PIK3C2A: variants seen among roughly 807,000 people sequenced by gnomAD.
The protein encoded by PIK3C2A is phosphatidylinositol 4-phosphate 3-kinase C2 domain-containing subunit alpha.
Under a neutral mutation model 204.5 loss-of-function variants are expected in PIK3C2A, and 97 were observed. That is an observed-to-expected ratio of 0.47 (90% CI 0.40 to 0.56). PIK3C2A has a LOEUF of 0.56. Among genes scored for constraint, PIK3C2A ranks in the 20% least tolerant of loss-of-function variants. PIK3C2A has a pLI of 0.00. For synonymous variants in PIK3C2A, 653 were observed against 664.4 expected (o/e 0.98, Z 0.26); for missense variants, 1,735 against 1,969.2 (o/e 0.88, Z 2.25).
rs190624338 is a variant in PIK3C2A, at chr11:17,142,438, G to C, written c.1704+3230C>G. 1.1e-4 allele frequency among the ~76,000 whole-genome samples: 17 copies of C among 152,306 alleles called. No individual in the cohort carries two copies. In the East Asian group the frequency reaches 3.3e-3, roughly 29 times the overall value. On this transcript the variant is annotated intron_variant, in intron 8 of 32. Transcript: ENST00000691414. ...GCAGCTAATGGAAATAAGGAAAGCA[G>C]AAGGTGGTATCCCAGATGCCAACTA...
At position 17,117,599 on chromosome 11, in the gene PIK3C2A, T is replaced by C; in HGVS notation, c.3108A>G (p.Ser1036=). The change falls in exon 19 of 33, where the codon TCA becomes TCG. Residue 1036 remains serine, a synonymous_variant. Transcript: ENST00000691414. ...RYEHVLGALL[S]VGGKRLREEL... is the part of the protein sequence containing the mutation. ...CTTCTCTAAGTCGTTTTCCTCCTAC[T>C]GACAGGAGAGCACCCAAAACATGTT... 3.1e-6 allele frequency: 5 copies of C among 1,612,904 alleles called. No individual in the cohort carries two copies. Among genetic ancestry groups the C allele is most frequent in the Non-Finnish European group, 4.2e-6 (5 of 1,178,994 alleles).
intron 1 of PIK3C2A, among the ~76,000 whole-genome samples, chr11:17,190,689 T>C (rs1380012454): frequency 6.6e-6 from 1 of 151,054 alleles, no homozygotes; most frequent in Non-Finnish European, 1.5e-5. Flanking sequence ...AGAAAAGAAA[T>C]ACTGGAAAGG....
chr11:17,133,884 C>T (rs966038714), intron 11 of PIK3C2A, among the ~76,000 whole-genome samples: 11 of 151,980 alleles, frequency 7.2e-5, no homozygotes, highest in South Asian at 2.1e-4. Context: ...GCCGAGATCA[C>T]GCCACTGCAC....
At chr11:17,124,368 T>C (rs1849454028) in intron 13 of PIK3C2A, among the ~76,000 whole-genome samples, 1 of 152,126 alleles carries the variant, frequency 6.6e-6, no homozygotes, top group South Asian at 2.1e-4. Flanking sequence ...TTCAAATTTC[T>C]CTGATTGTCC....
intron 1 of PIK3C2A, among the ~76,000 whole-genome samples, chr11:17,185,252 C>A (rs913739758): frequency 6.6e-6 from 1 of 152,118 alleles, no homozygotes; most frequent in Non-Finnish European, 1.5e-5. Flanking sequence ...AAATAACATG[C>A]TATAGTATGT....
At chr11:17,163,757 T>C (rs1850858304) in intron 2 of PIK3C2A, among the ~76,000 whole-genome samples, 1 of 152,126 alleles carries the variant, frequency 6.6e-6, no homozygotes. Flanking sequence ...GATTGTCATC[T>C]AATGTAACAC....
In PIK3C2A at chr11:17,091,408, G is replaced by C. The variant is rs199935176; in HGVS notation, c.4804C>G (p.Pro1602Ala). 371 of 1,613,802 alleles carry C rather than the reference G, an allele frequency of 2.3e-4. No homozygotes were observed. Among genetic ancestry groups the C allele is most frequent in the Non-Finnish European group, 2.5e-4 (293 of 1,179,762 alleles). The change falls in exon 32 of 33, where the codon CCA (proline) becomes GCA (alanine). Residue 1602 changes from proline to alanine, a missense_variant. Coordinates refer to ENST00000691414, the MANE Select transcript of PIK3C2A (RefSeq NM_002645.4). Reference sequence around the variant, plus strand: ...CGTTTGGATGTTTTGTGGTTATCTGGAAGTAGGTATGTTTTGACATATGGA... The same window carrying C: ...CGTTTGGATGTTTTGTGGTTATCTGCAAGTAGGTATGTTTTGACATATGGA... ...PNPYVKTYLL[P>A]DNHKTSKRKT...
Position 17,178,107 on chromosome 11 carries a change from A to G in PIK3C2A, c.-65-8301T>C, listed in dbSNP as rs914876146. ...GACTCCATCTCAAAAAAAAAAAAAA[A>G]AAAAAGAAAAAAAAAATTGCATGTC... is the stretch of plus-strand genomic sequence containing the variant. On this transcript the variant is annotated intron_variant, in intron 1 of 32. Coordinates refer to ENST00000691414, the MANE Select transcript of PIK3C2A (RefSeq NM_002645.4). Among the ~76,000 whole-genome samples the G allele has an allele frequency of 2.9e-3, 278 of 96,112 alleles. 1 individual carries two copies. Among genetic ancestry groups the G allele is most frequent in the Middle Eastern group, 5.1e-3 (1 of 198 alleles). The allele number at this position is 96,112 out of a possible 152,430, so 63.1% of individuals were successfully genotyped here. A position where few individuals can be genotyped will look rare whatever the true frequency, so the allele number is the denominator to read the frequency against.
At chr11:17,183,430 C>A (rs573097016) in intron 1 of PIK3C2A, among the ~76,000 whole-genome samples, 10 of 152,244 alleles carry the variant, frequency 6.6e-5, no homozygotes, top group African/African-American at 2.4e-4. Flanking sequence ...AATCCCAGAA[C>A]TTTGGGAGGC....
chr11:17,111,008 ACTGATTCTC>A (rs1848984912), intron 21 of PIK3C2A, among the ~76,000 whole-genome samples: 1 of 152,004 alleles, frequency 6.6e-6, no homozygotes, highest in Non-Finnish European at 1.5e-5. Context: ...CCTAGGTTCA[ACTGATTCTC>A]CTGCCTCAGC....
intron 1 of PIK3C2A, chr11:17,194,446 A>C (rs1852069031): frequency 6.1e-6 from 1 of 165,264 alleles, no homozygotes; most frequent in Non-Finnish European, 1.3e-5. Flanking sequence ...AAATTGCTAA[A>C]TACAGGCATC....
chr11:17,133,798 C>T (rs556742145), intron 11 of PIK3C2A, among the ~76,000 whole-genome samples: 6 of 151,848 alleles, frequency 4.0e-5, no homozygotes, highest in South Asian at 2.1e-4. Context: ...CATGGTGGTG[C>T]ACACCTGTAA....
intron 2 of PIK3C2A, 120 bp downstream of exon 2, chr11:17,168,557 G>C (rs1851048372): frequency 1.4e-6 from 1 of 711,884 alleles, no homozygotes; most frequent in East Asian, 2.7e-5. Context: ...CTCCAGCCTG[G>C]GCGACAGAGC....
intron 13 of PIK3C2A, among the ~76,000 whole-genome samples, chr11:17,125,836 C>T (rs1484922041): frequency 6.6e-6 from 1 of 151,632 alleles, no homozygotes; most frequent in Non-Finnish European, 1.5e-5. Context: ...TTTGTCATAT[C>T]AATTACTGCT....
chr11:17,145,984 T>G, intron 6 of PIK3C2A, 42 bp from the exon 7 acceptor site: 1 of 1,427,516 alleles, frequency 7.0e-7, no homozygotes, highest in Non-Finnish European at 9.8e-7. Flanking sequence ...ATCCACTCTT[T>G]GGTCTTTCTA....
intron 22 of PIK3C2A, among the ~76,000 whole-genome samples, chr11:17,105,971 T>G (rs11827369): frequency 8.7e-4 from 132 of 151,530 alleles, no homozygotes; most frequent in African/African-American, 2.8e-3. Flanking sequence ...TAGCGGGGCG[T>G]GGTGGTAGGC....
chr11:17,150,408 A>C, intron 4 of PIK3C2A, 90 bp downstream of exon 4: 1 of 1,157,040 alleles, frequency 8.6e-7, no homozygotes, highest in Non-Finnish European at 1.2e-6. Flanking sequence ...ACATAACAAA[A>C]TTGGTTTATT....
chr11:17,190,704 A>G (rs1003687834), intron 1 of PIK3C2A, among the ~76,000 whole-genome samples: 2 of 152,162 alleles, frequency 1.3e-5, no homozygotes, highest in African/African-American at 4.8e-5. Context: ...GAAAGGAAAA[A>G]TATATTCAAA....
Position 17,145,742 on chromosome 11 carries a change from C to G in PIK3C2A, c.1641-11G>C. On this transcript the variant is annotated splice_polypyrimidine_tract_variant and intron_variant, in intron 7 of 32. Coordinates refer to ENST00000691414, the MANE Select transcript of PIK3C2A (RefSeq NM_002645.4). ...TCTTCAACAGGGTGTCTGAAAGAAA[C>G]AACAGTTATTGTGGCTGAAGGATGC... is the stretch of plus-strand genomic sequence containing the variant. 6.3e-7 allele frequency: 1 copy of G among 1,598,588 alleles called. No individual in the cohort carries two copies. Among genetic ancestry groups the G allele is most frequent in the Non-Finnish European group, 8.6e-7 (1 of 1,166,298 alleles).
Sources: gnomAD v4.1 joint callset for allele counts (sites outside exome capture counted in the v4.1 genomes callset) on GRCh38, gnomAD v4.1.1 for gene constraint, MANE v1.5 for transcripts, NCBI Gene and HGNC (gene_info 2026-07-23, HGNC 2026-07-21) for gene names.